ERBB4: variants seen among roughly 807,000 people sequenced by gnomAD.
The protein encoded by ERBB4 is receptor tyrosine-protein kinase erbB-4.
In ERBB4, 42 loss-of-function variants were observed where a neutral mutation model predicts 158.0. The ratio of observed to expected loss-of-function variants is 0.27; its 90% CI spans 0.21 to 0.34. ERBB4 has a LOEUF of 0.34. Ranked by LOEUF, ERBB4 falls within the 10% of genes least tolerant of loss-of-function variation. The probability of loss-of-function intolerance (pLI) is 1.00; values close to 1 mark genes in which losing one functional copy is unlikely to be tolerated. For synonymous variants in ERBB4, 583 were observed against 558.7 expected (o/e 1.04, Z -0.61); for missense variants, 1,333 against 1,624.1 (o/e 0.82, Z 3.08).
At chr2:211,898,534 C>G (rs551725651) in intron 3 of ERBB4, among the ~76,000 whole-genome samples, 1 of 152,036 alleles carries the variant, frequency 6.6e-6, no homozygotes, top group Non-Finnish European at 1.5e-5. Flanking sequence ...AACTATTTGA[C>G]GTCTATTCAA....
intron 25 of ERBB4, among the ~76,000 whole-genome samples, chr2:211,394,472 T>G (rs1416953387): frequency 6.6e-6 from 1 of 152,200 alleles, no homozygotes; most frequent in East Asian, 1.9e-4. Flanking sequence ...ATCACTTAGC[T>G]ACTAGCTAAT....
intron 1 of ERBB4, among the ~76,000 whole-genome samples, chr2:212,437,292 CT>C (rs1258590567): frequency 6.6e-6 from 1 of 151,956 alleles, no homozygotes; most frequent in East Asian, 1.9e-4. Flanking sequence ...AAGGATTTCC[CT>C]TACTCCTACC....
At chr2:211,759,730 A>T (rs1187470305) in intron 4 of ERBB4, among the ~76,000 whole-genome samples, 1 of 152,164 alleles carries the variant, frequency 6.6e-6, no homozygotes, top group Non-Finnish European at 1.5e-5. Context: ...CAAATTGGAA[A>T]TGCTGTATAA....
chr2:212,488,318 CCTCT>C (rs67659068), intron 1 of ERBB4, among the ~76,000 whole-genome samples: 169 of 115,786 alleles, frequency 1.5e-3, no homozygotes, highest in East Asian at 2.2e-3. Flanking sequence ...TTTCCTCGCT[CCTCT>C]CTCTCTCTCT....
rs1404066478 is a variant in ERBB4, at chr2:212,017,531, C to T, written c.235-69915G>A. 3.9e-5 allele frequency among the ~76,000 whole-genome samples: 6 copies of T among 152,180 alleles called. 1 individual carries two copies. The highest frequency in any genetic ancestry group is 5.9e-5 in the Non-Finnish European group (4 of 67,968). ...ACACTATGCAAGGTAAGATAAATTT[C>T]GACTCAGTTGTGAATGCAAAGGCCA... On this transcript the variant is annotated intron_variant, in intron 2 of 27. Transcript: ENST00000342788.
intron 3 of ERBB4, among the ~76,000 whole-genome samples, chr2:211,803,774 T>A (rs1380595809): frequency 6.6e-6 from 1 of 152,226 alleles, no homozygotes; most frequent in Non-Finnish European, 1.5e-5. Context: ...TCCTCAATGA[T>A]GAGCAAGCTC....
chr2:212,200,127 T>C (rs769657762), intron 1 of ERBB4, among the ~76,000 whole-genome samples: 31 of 152,158 alleles, frequency 2.0e-4, no homozygotes, highest in Non-Finnish European at 4.4e-4. Flanking sequence ...AAATCAGTAA[T>C]GGTCTCCATT....
At chr2:212,190,297 G>C (rs1418016661) in intron 1 of ERBB4, among the ~76,000 whole-genome samples, 2 of 152,314 alleles carry the variant, frequency 1.3e-5, no homozygotes, top group Middle Eastern at 3.4e-3. Context: ...AGCACTTTGG[G>C]AGGCCAAGGC....
chr2:211,920,711 C>CA (rs1436018220), intron 3 of ERBB4, among the ~76,000 whole-genome samples: 5,501 of 141,780 alleles, frequency 0.039, 136 homozygotes, highest in Admixed American at 0.07. Context: ...AGAGCTGTGA[C>CA]TTTTTTTTTT....
rs559883099 is a variant in ERBB4 at position 212,476,626 on chromosome 2, C to T, written c.82+61823G>A. On this transcript the variant is annotated intron_variant, in intron 1 of 27. Coordinates refer to ENST00000342788, the MANE Select transcript of ERBB4 (RefSeq NM_005235.3). ...GTATGTCTCAGTTTTTCCCTGAAGA[C>T]GCTATTGAGCAGATGAGAATTTAAG... is the stretch of plus-strand genomic sequence containing the variant. Among the ~76,000 whole-genome samples the T allele has an allele frequency of 8.5e-5, 13 of 152,150 alleles. No homozygotes were observed. In the South Asian group the frequency reaches 1.7e-3, roughly 19 times the overall value.
At chr2:211,505,209 C>T (rs1053088071) in intron 20 of ERBB4, among the ~76,000 whole-genome samples, 22 of 151,896 alleles carry the variant, frequency 1.4e-4, no homozygotes, top group Non-Finnish European at 2.6e-4. Context: ...AGAGAAGTGT[C>T]AAATCACCTC....
intron 1 of ERBB4, among the ~76,000 whole-genome samples, chr2:212,481,699 T>C (rs1689707062): frequency 6.6e-6 from 1 of 152,182 alleles, no homozygotes; most frequent in African/African-American, 2.4e-5. Flanking sequence ...TCTTCTCATC[T>C]AGTTTGGAAA....
At chr2:212,153,132 A>G (rs542088149) in intron 1 of ERBB4, among the ~76,000 whole-genome samples, 21 of 152,322 alleles carry the variant, frequency 1.4e-4, no homozygotes, top group African/African-American at 4.8e-4. Context: ...GATAATGTTA[A>G]CTGATAGGGG....
chr2:212,182,690 C>G (rs991025867), intron 1 of ERBB4, among the ~76,000 whole-genome samples: 2 of 151,940 alleles, frequency 1.3e-5, no homozygotes, highest in African/African-American at 4.8e-5. Context: ...AAGTTGGTAG[C>G]TTGAAATTAA....
At chr2:211,629,922 T>C (rs2125870966) in intron 17 of ERBB4, among the ~76,000 whole-genome samples, 1 of 152,292 alleles carries the variant, frequency 6.6e-6, no homozygotes, top group East Asian at 1.9e-4. Flanking sequence ...ATTTAAATGT[T>C]AGACCTAAAA....
chr2:211,635,914 T>C (rs921982726), intron 16 of ERBB4, among the ~76,000 whole-genome samples: 1 of 152,066 alleles, frequency 6.6e-6, no homozygotes. Flanking sequence ...AAACAACCTG[T>C]AGTCCTATAA....
intron 1 of ERBB4, among the ~76,000 whole-genome samples, chr2:212,262,053 T>A (rs1291303026): frequency 6.6e-6 from 1 of 152,156 alleles, no homozygotes; most frequent in Non-Finnish European, 1.5e-5. Context: ...TAGTTTAAAT[T>A]ATTGATTAAC....
At chr2:211,760,057 T>A (rs1437075155) in intron 4 of ERBB4, among the ~76,000 whole-genome samples, 2 of 152,228 alleles carry the variant, frequency 1.3e-5, no homozygotes, top group South Asian at 2.1e-4. Flanking sequence ...ACATATTTTT[T>A]AATGAAAATA....
At chr2:212,303,687 CA>C (rs2086704501) in intron 1 of ERBB4, among the ~76,000 whole-genome samples, 1 of 151,490 alleles carries the variant, frequency 6.6e-6, no homozygotes, top group South Asian at 2.1e-4. Flanking sequence ...GAGTCCAAAT[CA>C]AGTATTATTG....
Sources: allele counts gnomAD v4.1 joint callset (sites outside exome capture counted in the v4.1 genomes callset), GRCh38; gene constraint gnomAD v4.1.1; transcripts MANE v1.5; gene names NCBI Gene and HGNC (gene_info 2026-07-23, HGNC 2026-07-21).